The following TNRC6A variants were observed in gnomAD, a reference collection of about 807,000 sequenced individuals.
TNRC6A encodes the protein trinucleotide repeat-containing gene 6A protein.
TNRC6A carries 44 observed loss-of-function variants against 221.2 expected under a neutral mutation model. The observed-to-expected ratio is 0.20, with a 90% CI of 0.16 to 0.26. The LOEUF is 0.26. Among genes scored for constraint, TNRC6A ranks in the 10% least tolerant of loss-of-function variants. The pLI is 1.00. For synonymous variants in TNRC6A, 847 were observed against 838.5 expected (o/e 1.01, Z -0.18); for missense variants, 2,199 against 2,404.4 (o/e 0.91, Z 1.79).
chr16:24,635,064 C>T (rs2141704607), intron 1 of TNRC6A, among the ~76,000 whole-genome samples: 1 of 151,842 alleles, frequency 6.6e-6, no homozygotes, highest in Middle Eastern at 3.4e-3. Context: ...AGTGAGTCAC[C>T]TTTCTTTCTT....
intron 2 of TNRC6A, among the ~76,000 whole-genome samples, chr16:24,718,910 G>T (rs549077751): frequency 2.0e-5 from 3 of 151,648 alleles, no homozygotes; most frequent in Non-Finnish European, 1.5e-5. Context: ...GGTGGTGGGT[G>T]TCTGTAATCC....
At chr16:24,775,342 A>G (rs534958080) in intron 4 of TNRC6A, among the ~76,000 whole-genome samples, 6 of 152,336 alleles carry the variant, frequency 3.9e-5, no homozygotes, top group African/African-American at 1.4e-4. Context: ...ATTCACTGTA[A>G]TTCTTCCTGA....
intron 1 of TNRC6A, among the ~76,000 whole-genome samples, chr16:24,637,218 A>G (rs987833410): frequency 1.8e-4 from 28 of 151,946 alleles, no homozygotes; most frequent in African/African-American, 6.8e-4. Context: ...TTTTTTGTAG[A>G]GATGGGGTTT....
chr16:24,689,599 A>G (rs925583803), intron 2 of TNRC6A, among the ~76,000 whole-genome samples: 5 of 152,158 alleles, frequency 3.3e-5, no homozygotes, highest in Admixed American at 6.5e-5. Context: ...CGGAGCTCCT[A>G]TGTACCAGCA....
At chr16:24,628,290 G>T (rs1053104106) in intron 1 of TNRC6A, among the ~76,000 whole-genome samples, 1 of 151,720 alleles carries the variant, frequency 6.6e-6, no homozygotes, top group Non-Finnish European at 1.5e-5. Flanking sequence ...TGTGGTGGTG[G>T]GCGCCTGTAA....
At chr16:24,809,249 A>G (rs1438980929) in intron 17 of TNRC6A, 101 bp from the exon 18 acceptor site, 3 of 1,109,998 alleles carry the variant, frequency 2.7e-6, no homozygotes, top group Non-Finnish European at 3.6e-6. Context: ...ATGTGGTTTG[A>G]AAACATTAGT....
upstream of TNRC6A, among the ~76,000 whole-genome samples, chr16:24,726,128 G>A (rs2056487878): frequency 6.6e-6 from 1 of 152,158 alleles, no homozygotes; most frequent in African/African-American, 2.4e-5. Flanking sequence ...AATACTGTGT[G>A]AGTGAATTGT....
intron 2 of TNRC6A, among the ~76,000 whole-genome samples, chr16:24,704,375 G>T (rs1322499633): frequency 6.6e-6 from 1 of 151,952 alleles, no homozygotes; most frequent in Non-Finnish European, 1.5e-5. Context: ...GATATAAAAT[G>T]CTTTTGAAAA....
Position 24,789,853 on chromosome 16 carries a change from A to G in TNRC6A, c.1211A>G (p.Asn404Ser), listed in dbSNP as rs754351777. The G allele has an allele frequency of 2.5e-6, 4 of 1,614,178 alleles. No individual in the cohort carries two copies. The East Asian group carries it at 8.9e-5, about 36-fold the overall frequency. The change falls in exon 6 of 25, where the codon AAT becomes AGT. Residue 404 changes from asparagine (N) to serine (S), a missense_variant. By Grantham distance (46) the Asn-to-Ser change is conservative (BLOSUM62 1). Transcript: ENST00000395799. The part of the protein sequence containing the change: ...QCSTIGQMPN[N>S]QSINSKVSGG... ...AGTACTATAGGCCAGATGCCTAACA[A>G]TCAGAGTATTAACTCTAAAGTGAGT...
intron 2 of TNRC6A, among the ~76,000 whole-genome samples, chr16:24,709,085 C>T (rs1019797991): frequency 2.6e-5 from 4 of 151,870 alleles, no homozygotes; most frequent in East Asian, 1.9e-4. Flanking sequence ...GGAGAAACCC[C>T]GTCTCTACTA....
chr16:24,695,312 T>C (rs1433287441), intron 2 of TNRC6A, among the ~76,000 whole-genome samples: 1 of 152,166 alleles, frequency 6.6e-6, no homozygotes, highest in Non-Finnish European at 1.5e-5. Flanking sequence ...TCTACCTGTG[T>C]CAACTATGTT....
chr16:24,777,082 C>A lies in TNRC6A; in HGVS notation c.313C>A (p.Gln105Lys). The change falls in exon 5 of 25, where the codon CAG (glutamine) becomes AAG (lysine). Residue 105 changes from glutamine to lysine, a missense_variant. By Grantham distance (53) the Gln-to-Lys change is moderately conservative. Around this residue, in one of 8 missense-constraint regions of TNRC6A, gnomAD observed 1,405 missense variants for 1,400.2 expected, o/e 1.00. Transcript: ENST00000395799. ...GCAGCAGCAGCAACAGCAGCAGCCG[C>A]AGCAGCAGCAGCCACAGCAGCAGCC... is the stretch of plus-strand genomic sequence containing the variant. ...PQQQQQQQQP[Q>K]QQQPQQQPQP... The A allele has an allele frequency of 6.2e-7, 1 of 1,607,560 alleles. No homozygotes were observed. The highest frequency in any genetic ancestry group is 8.5e-7 in the Non-Finnish European group (1 of 1,176,114).
chr16:24,728,838 A>C (rs752787536), upstream of TNRC6A, among the ~76,000 whole-genome samples: 5 of 152,142 alleles, frequency 3.3e-5, no homozygotes, highest in Non-Finnish European at 5.9e-5. Context: ...GATGTTTCTT[A>C]CTGTGTGAGC....
chr16:24,738,289 G>T (rs1224016282), intron 2 of TNRC6A, among the ~76,000 whole-genome samples: 3 of 152,038 alleles, frequency 2.0e-5, no homozygotes, highest in Non-Finnish European at 4.4e-5. Context: ...GCTTTATTCA[G>T]ATAAAATTCC....
chr16:24,766,868 G>A (rs1433717816), intron 4 of TNRC6A, among the ~76,000 whole-genome samples: 2 of 151,778 alleles, frequency 1.3e-5, no homozygotes, highest in African/African-American at 4.8e-5. Context: ...GTAGAGACAG[G>A]GTTTCACTGT....
chr16:24,692,923 C>T (rs914850437), intron 2 of TNRC6A, among the ~76,000 whole-genome samples: 1 of 152,146 alleles, frequency 6.6e-6, no homozygotes, highest in Non-Finnish European at 1.5e-5. Flanking sequence ...CACTAAACTA[C>T]TTATCACAAA....
chr16:24,636,251 CATATTAAT>C (rs1901631597), intron 1 of TNRC6A, among the ~76,000 whole-genome samples: 1 of 152,122 alleles, frequency 6.6e-6, no homozygotes, highest in Non-Finnish European at 1.5e-5. Flanking sequence ...AATGATTTAA[CATATTAAT>C]ATATTTTCAT....
chr16:24,698,299 G>C (rs1427673652), intron 2 of TNRC6A, among the ~76,000 whole-genome samples: 1 of 152,118 alleles, frequency 6.6e-6, no homozygotes, highest in Non-Finnish European at 1.5e-5. Context: ...TATTATAAGA[G>C]TGTGGTTGAA....
intron 1 of TNRC6A, among the ~76,000 whole-genome samples, chr16:24,622,074 A>G (rs1900701584): frequency 6.6e-6 from 1 of 152,144 alleles, no homozygotes; most frequent in South Asian, 2.1e-4. Flanking sequence ...CTTCCAAAAT[A>G]GAATAACCTG....
Sources: allele counts gnomAD v4.1 joint callset (sites outside exome capture counted in the v4.1 genomes callset), GRCh38; gene constraint gnomAD v4.1.1; regional missense constraint gnomAD v4.1.1; transcripts MANE v1.5; gene names NCBI Gene and HGNC (gene_info 2026-07-23, HGNC 2026-07-21).